Variants in AQP9 observed in about 807,000 individuals in gnomAD.
The protein encoded by AQP9 is aquaporin-9.
A neutral mutation model predicts 23.8 loss-of-function variants in AQP9; 19 were observed. The ratio of observed to expected loss-of-function variants is 0.80; its 90% CI spans 0.56 to 1.17. AQP9 has a LOEUF of 1.17. Ranked by LOEUF, AQP9 falls within the 50% of genes most tolerant of loss-of-function variation. AQP9 has a pLI of 0.00. For synonymous variants in AQP9, 153 were observed against 131.5 expected, an observed-to-expected ratio of 1.16 and a Z score of -1.12; for missense variants, 413 against 362.0, an observed-to-expected ratio of 1.14 and a Z score of -1.14.
chr15:58,142,526 C>G (rs1289021472), intron 1 of AQP9, among the ~76,000 whole-genome samples: 1 of 152,238 alleles, frequency 6.6e-6, no homozygotes, highest in East Asian at 1.9e-4. Flanking sequence ...TCACCACCTA[C>G]AAACACATTC....
At chr15:58,168,318 A>G (rs1278679732) in intron 2 of AQP9, among the ~76,000 whole-genome samples, 2 of 152,080 alleles carry the variant, frequency 1.3e-5, no homozygotes, top group Non-Finnish European at 2.9e-5. Context: ...GGCATGAGCC[A>G]CCACACCCAG....
At chr15:58,155,083 A>T (rs1459214079) in intron 1 of AQP9, 1 of 152,266 alleles carries the variant, frequency 6.6e-6, no homozygotes, top group African/African-American at 2.4e-5. Context: ...TGCCTGCTTA[A>T]TTCTCCAAAT....
chr15:58,179,358 G>T lies in AQP9; in HGVS notation c.713+13G>T. Reference sequence around the variant, plus strand: ...TTGAAGTCTTCAGGTAAGTAACAGTGGTGGGGAAGAGAGAGACAGAGTCAT... The same window carrying T: ...TTGAAGTCTTCAGGTAAGTAACAGTTGTGGGGAAGAGAGAGACAGAGTCAT... On this transcript the variant is annotated intron_variant, in intron 5 of 5. Coordinates refer to ENST00000219919, the MANE Select transcript of AQP9 (RefSeq NM_020980.5). 1 of 1,600,518 alleles carries T rather than the reference G, an allele frequency of 6.2e-7. No individual in the cohort carries two copies. The highest frequency in any genetic ancestry group is 1.1e-5 in the South Asian group (1 of 89,572).
chr15:58,167,733 TG>T (rs1269048727), intron 2 of AQP9, among the ~76,000 whole-genome samples: 9 of 151,190 alleles, frequency 6.0e-5, no homozygotes, highest in Non-Finnish European at 1.2e-4. Context: ...TGTTTGGTTT[TG>T]TTTTTTTTTA....
intron 1 of AQP9, among the ~76,000 whole-genome samples, chr15:58,148,221 A>G (rs570759789): frequency 6.6e-6 from 1 of 152,320 alleles, no homozygotes; most frequent in East Asian, 1.9e-4. Context: ...ATTAAGTGAA[A>G]AAAATACATG....
chr15:58,163,472 A>G (rs550309214), intron 1 of AQP9, among the ~76,000 whole-genome samples: 26 of 152,326 alleles, frequency 1.7e-4, no homozygotes, highest in African/African-American at 6.0e-4. Context: ...AAGGAACCCA[A>G]GAGATTGTTT....
At chr15:58,142,217 GAAGA>G (rs1410316867) in intron 1 of AQP9, among the ~76,000 whole-genome samples, 1 of 152,202 alleles carries the variant, frequency 6.6e-6, no homozygotes, top group East Asian at 1.9e-4. Context: ...AATGTTTCCT[GAAGA>G]GAGAGAAAGG....
At chr15:58,138,765 TA>T in intron 1 of AQP9, 89 bp downstream of exon 1, 1 of 1,139,526 alleles carries the variant, frequency 8.8e-7, no homozygotes, top group Admixed American at 2.0e-5. Context: ...TGGTTTGTTT[TA>T]TTTAAGTTAA....
Position 58,179,187 on chromosome 15 carries a change from G to T in AQP9, c.555G>T (p.Leu185Phe), listed in dbSNP as rs1028882622. 26 of 1,613,852 alleles carry T rather than the reference G, an allele frequency of 1.6e-5. No homozygotes were observed. In the East Asian group the frequency reaches 3.3e-4, roughly 21 times the overall value. The change falls in exon 5 of 6, where the codon TTG (leucine) becomes TTT (phenylalanine). Residue 185 changes from leucine (L) to phenylalanine (F), a missense_variant. Transcript: ENST00000219919. ...IVFAIFDSRN[L>F]GAPRGLEPIA... The stretch of plus-strand genomic sequence containing the variant: ...TTGCCATCTTTGACTCCAGAAACTT[G>T]GGAGCCCCCAGAGGCCTAGAGCCCA...
chr15:58,166,410 T>C (rs563019364), intron 1 of AQP9, among the ~76,000 whole-genome samples: 1 of 152,356 alleles, frequency 6.6e-6, no homozygotes, highest in South Asian at 2.1e-4. Flanking sequence ...TAGATCATTG[T>C]GTGAAATGTC....
intron 1 of AQP9, among the ~76,000 whole-genome samples, chr15:58,164,732 A>T (rs1185581843): frequency 6.6e-6 from 1 of 152,178 alleles, no homozygotes; most frequent in South Asian, 2.1e-4. Context: ...TAGAAGGGAC[A>T]TGAAAGCATC....
At chr15:58,169,820 G>T (rs1424329168) in intron 2 of AQP9, among the ~76,000 whole-genome samples, 1 of 152,158 alleles carries the variant, frequency 6.6e-6, no homozygotes, top group Non-Finnish European at 1.5e-5. Flanking sequence ...CTGTCTAATG[G>T]CAATTGCTAT....
chr15:58,143,464 G>A, intron 1 of AQP9, among the ~76,000 whole-genome samples: 1 of 152,142 alleles, frequency 6.6e-6, no homozygotes, highest in East Asian at 1.9e-4. Flanking sequence ...AGGAAATTAG[G>A]ACTTAGTATG....
At position 58,184,390 on chromosome 15, in the gene AQP9, A is replaced by C; in HGVS notation, c.*255A>C. The C allele has an allele frequency of 2.8e-6, 1 of 357,318 alleles. No homozygotes were observed. Among genetic ancestry groups the C allele is most frequent in the Non-Finnish European group, 4.7e-6 (1 of 210,662 alleles). The allele number at this position is 357,318 out of a possible 1,614,324, so 22.1% of individuals were successfully genotyped here. A position where few individuals can be genotyped will look rare whatever the true frequency, so the allele number is the denominator to read the frequency against. Reference sequence around the variant, plus strand: ...AACAGCCTTCTCTCCTGCCCTGTTTATTTCATCCTCGATGGGAATTCTTGC... The same window carrying C: ...AACAGCCTTCTCTCCTGCCCTGTTTCTTTCATCCTCGATGGGAATTCTTGC... On this transcript the variant is annotated 3_prime_UTR_variant, in exon 6 of 6. Coordinates refer to ENST00000219919, the MANE Select transcript of AQP9 (RefSeq NM_020980.5).
Position 58,138,416 on chromosome 15 carries a change from G to T in AQP9, c.-150G>T, listed in dbSNP as rs1489368171. 6.8e-6 allele frequency: 4 copies of T among 588,228 alleles called. No individual in the cohort carries two copies. The highest frequency in any genetic ancestry group is 1.2e-5 in the Non-Finnish European group (4 of 329,606). The allele number at this position is 588,228 out of a possible 1,614,324, so 36.4% of individuals were successfully genotyped here. A position where few individuals can be genotyped will look rare whatever the true frequency, so the allele number is the denominator to read the frequency against. ...ACGATTAAGCCACAGCCTCTAATTG[G>T]AACGGCATTTGTACAGTCAGAGACT... On this transcript the variant is annotated 5_prime_UTR_variant, in exon 1 of 6. Coordinates refer to ENST00000219919, the MANE Select transcript of AQP9 (RefSeq NM_020980.5).
Position 58,179,281 on chromosome 15 carries a change from C to G in AQP9, c.649C>G (p.Pro217Ala). ...LGLNSGCAMN[P>A]ARDLSPRLFT... The stretch of plus-strand genomic sequence containing the variant: ...ACTGAACAGTGGCTGTGCCATGAAC[C>G]CAGCTCGAGACCTGAGTCCCAGACT... Residue 217 changes from proline to alanine, a missense_variant, in exon 5 of 6, where the codon CCA becomes GCA. Pro to Ala is a conservative substitution (Grantham distance 27). Transcript: ENST00000219919. The G allele has an allele frequency of 6.2e-7, 1 of 1,614,130 alleles. No individual in the cohort carries two copies. The highest frequency in any genetic ancestry group is 8.5e-7 in the Non-Finnish European group (1 of 1,180,016).
At chr15:58,172,372 C>A (rs2140624782) in intron 2 of AQP9, among the ~76,000 whole-genome samples, 1 of 152,342 alleles carries the variant, frequency 6.6e-6, no homozygotes, top group Non-Finnish European at 1.5e-5. Context: ...AGAGACCAAC[C>A]ACAGAGCAAA....
chr15:58,151,538 G>A (rs1427040085), intron 1 of AQP9: 2 of 151,932 alleles, frequency 1.3e-5, no homozygotes, highest in South Asian at 2.1e-4. Flanking sequence ...ATTACCTCTT[G>A]TAATTCTAGC....
chr15:58,149,622 T>G (rs1358164155), intron 1 of AQP9, among the ~76,000 whole-genome samples: 1 of 152,216 alleles, frequency 6.6e-6, no homozygotes, highest in African/African-American at 2.4e-5. Context: ...TATTGTTATC[T>G]TCATATGTTC....
Sources: allele counts gnomAD v4.1 joint callset (sites outside exome capture counted in the v4.1 genomes callset), GRCh38; gene constraint gnomAD v4.1.1; transcripts MANE v1.5; gene names NCBI Gene and HGNC (gene_info 2026-07-23, HGNC 2026-07-21).